Variants in MCUB observed in about 807,000 individuals in gnomAD.
MCUB encodes the protein mitochondrial calcium uniporter dominant negative subunit beta, also known as calcium uniporter regulatory subunit MCUb, mitochondrial.
A neutral mutation model predicts 41.4 loss-of-function variants in MCUB; 46 were observed. The observed-to-expected ratio is 1.11, with a 90% confidence interval of 0.88 to 1.42. The LOEUF is 1.42. MCUB is among the 40% of genes most tolerant of loss of function. MCUB has a pLI of 0.00. For synonymous variants in MCUB, 148 were observed against 148.2 expected (o/e 1.00, Z 0.01); for missense variants, 403 against 404.9 (o/e 1.00, Z 0.04).
At chr4:109,618,993 TACCA>T (rs1728189654) in intron 1 of MCUB, among the ~76,000 whole-genome samples, 2 of 141,792 alleles carry the variant, frequency 1.4e-5, no homozygotes, top group Non-Finnish European at 3.0e-5. Flanking sequence ...TCTCTCTACC[TACCA>T]ACCTACCTAC....
At chr4:109,663,876 G>A (rs1309964741) in intron 3 of MCUB, among the ~76,000 whole-genome samples, 1 of 151,788 alleles carries the variant, frequency 6.6e-6, no homozygotes, top group East Asian at 2.0e-4. Flanking sequence ...CTGAGACCAG[G>A]TTAACCCAGT....
In MCUB at chr4:109,659,077, C is replaced by A; in HGVS notation, c.166C>A (p.Pro56Thr). The A allele has an allele frequency of 6.7e-7, 1 of 1,490,950 alleles. No homozygotes were observed. Among genetic ancestry groups the A allele is most frequent in the Non-Finnish European group, 9.2e-7 (1 of 1,091,686 alleles). 92.4% of individuals were successfully genotyped at this position (1,490,950 alleles called of 1,614,324 possible). ...YQSHHYSTVV[P>T]PDEITVIYRH... ...GTCACACCATTATAGTACCGTGGTG[C>A]CACCTGATGGTAAGCTTTCTTACCA... The change falls in exon 2 of 8, where the codon CCA (proline) becomes ACA (threonine). Residue 56 changes from proline (P) to threonine (T), a missense_variant. Coordinates refer to ENST00000394650, the MANE Select transcript of MCUB (RefSeq NM_017918.5).
chr4:109,657,163 G>A (rs1729122439), intron 1 of MCUB, among the ~76,000 whole-genome samples: 1 of 146,832 alleles, frequency 6.8e-6, no homozygotes, highest in Non-Finnish European at 1.5e-5. Context: ...AGGTTGCAGT[G>A]AGTTGAAACT....
chr4:109,627,820 G>A (rs1003597953), intron 1 of MCUB, among the ~76,000 whole-genome samples: 6 of 151,880 alleles, frequency 4.0e-5, no homozygotes, highest in Non-Finnish European at 8.8e-5. Flanking sequence ...AACTGAGTCA[G>A]GAGAATCAAT....
In MCUB at chr4:109,682,592, T is replaced by C; in HGVS notation, c.462T>C (p.Ser154=). ...TGTGTCTTTTCTCAGAAAAACCAAG[T>C]AATGAGCACACTGCTGAGATGGAAC... ...DVQCPKREKP[S]NEHTAEMEHM... Residue 154 remains serine, a synonymous_variant, in exon 5 of 8, where the codon AGT becomes AGC. Transcript: ENST00000394650. 6.2e-7 allele frequency: 1 copy of C among 1,606,606 alleles called. No individual in the cohort carries two copies. The highest frequency in any genetic ancestry group is 1.1e-5 in the South Asian group (1 of 89,404).
intron 1 of MCUB, among the ~76,000 whole-genome samples, chr4:109,628,873 C>A (rs1479055330): frequency 6.6e-6 from 1 of 152,182 alleles, no homozygotes; most frequent in African/African-American, 2.4e-5. Flanking sequence ...GAAGCCTGCA[C>A]CTTGCTTGTT....
Position 109,660,235 on chromosome 4 carries a change from A to G in MCUB, c.216A>G (p.Thr72=), listed in dbSNP as rs1396076366. Residue 72 remains threonine, a synonymous_variant, in exon 3 of 8, where the codon ACA becomes ACG. Coordinates refer to ENST00000394650, the MANE Select transcript of MCUB (RefSeq NM_017918.5). ...ATAGACATGGCCTTCCCTTGGTAACACTTACCTTGCCATCTAGAAAAGAAC... is the reference window on the plus strand; with the variant it reads ...ATAGACATGGCCTTCCCTTGGTAACGCTTACCTTGCCATCTAGAAAAGAAC... The part of the protein sequence containing the change: ...VIYRHGLPLV[T]LTLPSRKERC... 1.3e-6 allele frequency: 2 copies of G among 1,599,648 alleles called. No individual in the cohort carries two copies. Among genetic ancestry groups the G allele is most frequent in the East Asian group, 4.5e-5 (2 of 44,728 alleles).
At chr4:109,577,451 A>G (rs1309550409) in intron 1 of MCUB, among the ~76,000 whole-genome samples, 2 of 152,190 alleles carry the variant, frequency 1.3e-5, no homozygotes, top group South Asian at 2.1e-4. Flanking sequence ...GTCCTGGGAA[A>G]TAGGTACTGA....
chr4:109,590,492 T>A (rs1727411397), intron 1 of MCUB, among the ~76,000 whole-genome samples: 2 of 152,204 alleles, frequency 1.3e-5, no homozygotes, highest in African/African-American at 4.8e-5. Flanking sequence ...GTTAAAAAAA[T>A]TGAGTTTTTA....
chr4:109,683,338 G>T (rs1361285010), intron 5 of MCUB: 1 of 152,196 alleles, frequency 6.6e-6, no homozygotes, highest in Non-Finnish European at 1.5e-5. Context: ...TGAATGGAAA[G>T]TTTCTGGAGA....
chr4:109,639,295 C>G (rs1189625971), intron 1 of MCUB, among the ~76,000 whole-genome samples: 1 of 152,110 alleles, frequency 6.6e-6, no homozygotes. Context: ...TTTTACATTT[C>G]CATCAGAGCT....
chr4:109,662,079 A>AAGG, intron 3 of MCUB, among the ~76,000 whole-genome samples: 1 of 152,200 alleles, frequency 6.6e-6, no homozygotes, highest in Non-Finnish European at 1.5e-5. Flanking sequence ...AGCTGGGAGA[A>AAGG]AGGAGGAGTT....
chr4:109,650,573 CTATTT>C, intron 1 of MCUB, among the ~76,000 whole-genome samples: 1 of 152,142 alleles, frequency 6.6e-6, no homozygotes, highest in Non-Finnish European at 1.5e-5. Context: ...AGTGGGAAGA[CTATTT>C]TGTTTCTGAA....
chr4:109,587,977 A>T (rs1396092774), intron 1 of MCUB, among the ~76,000 whole-genome samples: 5 of 152,228 alleles, frequency 3.3e-5, no homozygotes, highest in African/African-American at 1.2e-4. Context: ...GTTAGTAGCT[A>T]TAATATAATT....
chr4:109,670,761 A>G (rs1444757679), intron 4 of MCUB, among the ~76,000 whole-genome samples: 2 of 151,866 alleles, frequency 1.3e-5, no homozygotes, highest in Non-Finnish European at 2.9e-5. Context: ...ATTCTCTGGC[A>G]TATTTCAAAA....
At chr4:109,643,394 AGGCT>A (rs987467154) in intron 1 of MCUB, among the ~76,000 whole-genome samples, 5 of 151,934 alleles carry the variant, frequency 3.3e-5, no homozygotes, top group Admixed American at 6.6e-5. Flanking sequence ...TATGTTGGCC[AGGCT>A]GGTCTCCAAC....
At chr4:109,655,146 A>G (rs1461616652) in intron 1 of MCUB, among the ~76,000 whole-genome samples, 1 of 152,236 alleles carries the variant, frequency 6.6e-6, no homozygotes, top group Admixed American at 6.5e-5. Context: ...TATTATAAGG[A>G]TATTCTAAAG....
At chr4:109,628,790 T>A (rs1475854768) in intron 1 of MCUB, among the ~76,000 whole-genome samples, 1 of 152,114 alleles carries the variant, frequency 6.6e-6, no homozygotes, top group Non-Finnish European at 1.5e-5. Flanking sequence ...CAAAGTGAGG[T>A]TCTAAAAGGT....
At chr4:109,661,486 C>G (rs1191074419) in intron 3 of MCUB, among the ~76,000 whole-genome samples, 1 of 151,920 alleles carries the variant, frequency 6.6e-6, no homozygotes, top group Non-Finnish European at 1.5e-5. Flanking sequence ...TATTGAGCAC[C>G]TAATGTATGT....
Sources: allele counts gnomAD v4.1 joint callset (sites outside exome capture counted in the v4.1 genomes callset), GRCh38; gene constraint gnomAD v4.1.1; transcripts MANE v1.5; gene names NCBI Gene and HGNC (gene_info 2026-07-23, HGNC 2026-07-21).